Variants in WDR45B observed in about 807,000 individuals in gnomAD.
WDR45B encodes WD repeat domain 45B.
WDR45B carries 20 observed loss-of-function variants against 44.6 expected under a neutral mutation model. That is an observed-to-expected ratio of 0.45 (90% CI 0.32 to 0.65). The LOEUF is 0.65. WDR45B is among the 30% of genes least tolerant of loss of function. The probability of loss-of-function intolerance (pLI) is 0.05; values close to 1 mark genes in which losing one functional copy is unlikely to be tolerated. For missense variants in WDR45B, 323 were observed against 430.2 expected (o/e 0.75, Z 2.20); for synonymous variants, 169 against 164.9 (o/e 1.02, Z -0.19).
chr17:82,648,290 G>A lies in WDR45B; in HGVS notation c.51C>T (p.Gly17=), dbSNP rs748101452. 57 of 1,606,744 alleles carry A rather than the reference G, an allele frequency of 3.5e-5. No individual in the cohort carries two copies. The highest frequency in any genetic ancestry group is 2.0e-4 in the Middle Eastern group (1 of 4,950). The change falls in exon 1 of 10, where the codon GGC becomes GGT. Residue 17 remains glycine (G), a synonymous_variant. Transcript: ENST00000392325. ...CCTCCTCACCGTGGTCCTGGTTGAA[G>A]CCGGCGTAGAGCAGCCCGTTGCCGT... is the stretch of plus-strand genomic sequence containing the variant. ...NPHGNGLLYA[G]FNQDHGCFAC... is the part of the protein sequence containing the mutation.
intron 2 of WDR45B, among the ~76,000 whole-genome samples, chr17:82,637,539 C>T (rs888934933): frequency 6.6e-6 from 1 of 151,932 alleles, no homozygotes; most frequent in Non-Finnish European, 1.5e-5. Context: ...TCCCCAAGAC[C>T]GACTGCACCA....
intron 1 of WDR45B, among the ~76,000 whole-genome samples, chr17:82,647,567 G>A (rs945776780): frequency 2.0e-5 from 3 of 152,084 alleles, no homozygotes; most frequent in Non-Finnish European, 2.9e-5. Flanking sequence ...CCTGGATTCC[G>A]ACATGGGAAA....
chr17:82,644,850 A>C (rs1226791390), intron 1 of WDR45B, among the ~76,000 whole-genome samples: 2 of 152,200 alleles, frequency 1.3e-5, no homozygotes, highest in Non-Finnish European at 2.9e-5. Context: ...TGAAAGCCCA[A>C]CACAAAGGCC....
At chr17:82,621,959 G>A (rs1333664634) in intron 5 of WDR45B, among the ~76,000 whole-genome samples, 160 bp from the exon 6 acceptor site, 1 of 152,014 alleles carries the variant, frequency 6.6e-6, no homozygotes, top group Non-Finnish European at 1.5e-5. Context: ...TAAATAAAGA[G>A]TATGAGAGGG....
At chr17:82,624,123 C>T (rs1310902745) in intron 5 of WDR45B, among the ~76,000 whole-genome samples, 1 of 152,158 alleles carries the variant, frequency 6.6e-6, no homozygotes, top group East Asian at 1.9e-4. Context: ...CACGACACTC[C>T]TCCTTCCTAA....
At chr17:82,621,490 G>C in intron 6 of WDR45B, 119 bp downstream of exon 6, 1 of 1,348,532 alleles carries the variant, frequency 7.4e-7, no homozygotes, top group Non-Finnish European at 1.0e-6. Flanking sequence ...ACAGGCCCCT[G>C]AGGGGCTCCA....
Position 82,616,589 on chromosome 17 carries a change from T to C in WDR45B, c.863A>G (p.Lys288Arg). The change falls in exon 9 of 10, where the codon AAG becomes AGG. Residue 288 changes from lysine to arginine, a missense_variant. By Grantham distance (26) the Lys-to-Arg change is conservative. Coordinates refer to ENST00000392325, the MANE Select transcript of WDR45B (RefSeq NM_019613.4). ...KYFSSKWSFS[K>R]FQVPSGSPCI... ...CGGAGAGCCTGAGGGAACCTGAAACTTGGAGAAACTCCACTTGGAACTGAA... is the reference window on the plus strand; with the variant it reads ...CGGAGAGCCTGAGGGAACCTGAAACCTGGAGAAACTCCACTTGGAACTGAA... 1 of 1,614,132 alleles carries C rather than the reference T, an allele frequency of 6.2e-7. No individual in the cohort carries two copies. The highest frequency in any genetic ancestry group is 2.2e-5 in the East Asian group (1 of 44,872).
At chr17:82,621,071 T>G (rs1268720455) in intron 6 of WDR45B, among the ~76,000 whole-genome samples, 3 of 129,504 alleles carry the variant, frequency 2.3e-5, no homozygotes, top group African/African-American at 9.3e-5. Context: ...TTTTTTTTTT[T>G]GAGACGGAGT....
At chr17:82,621,521 C>T in intron 6 of WDR45B, 88 bp downstream of exon 6, 8 of 1,580,656 alleles carry the variant, frequency 5.1e-6, no homozygotes, top group South Asian at 1.1e-5. Context: ...GGCCCACTGC[C>T]TTTTGAGTCT....
intron 6 of WDR45B, 99 bp from the exon 7 acceptor site, chr17:82,619,227 C>G (rs2045580498): frequency 4.3e-6 from 5 of 1,156,128 alleles, no homozygotes; most frequent in South Asian, 1.3e-5. Flanking sequence ...TCCACACAAG[C>G]CTTTCTCAAA....
intron 5 of WDR45B, 122 bp downstream of exon 5, chr17:82,625,267 G>A: frequency 1.1e-6 from 1 of 919,262 alleles, no homozygotes; most frequent in South Asian, 1.4e-5. Context: ...AGGCCCCTCT[G>A]TGCTCAGGAT....
Position 82,648,326 on chromosome 17 carries a change from CG to C in WDR45B, c.14del (p.Pro5ArgfsTer37). The C allele has an allele frequency of 6.2e-7, 1 of 1,606,676 alleles. No homozygotes were observed. Among genetic ancestry groups the C allele is most frequent in the Middle Eastern group, 2.0e-4 (1 of 4,892 alleles). Reference sequence around the variant, plus strand: ...GCAGCCCGTTGCCGTGAGGGTTACACGGCAGGAGGTTCATGGCGCCGCCGTG... The same window carrying C: ...GCAGCCCGTTGCCGTGAGGGTTACACGCAGGAGGTTCATGGCGCCGCCGTG... Reference protein sequence around the residue: MNLLPCNPHGNGLLY... With the variant: MNLLXCNPHGNGLLY... On this transcript the variant is annotated frameshift_variant, in exon 1 of 10. Coordinates refer to ENST00000392325, the MANE Select transcript of WDR45B (RefSeq NM_019613.4). LOFTEE classifies it high-confidence loss of function.
Position 82,621,871 on chromosome 17 carries a change from C to A in WDR45B, c.428-72G>T, listed in dbSNP as rs777671702. The A allele has an allele frequency of 6.6e-4, 1,001 of 1,518,454 alleles. 3 individuals are homozygous for A. Among genetic ancestry groups the A allele is most frequent in the Middle Eastern group, 1.0e-3 (6 of 5,876 alleles). 94.1% of individuals were successfully genotyped at this position (1,518,454 alleles called of 1,614,324 possible). ...CACAGCCAAAGTCCACTTTCTGCCC[C>A]CAAAGTTCTCCGAAAAAATAGATGT... On this transcript the variant is annotated intron_variant, in intron 5 of 9. Transcript: ENST00000392325.
In WDR45B at chr17:82,644,143, T is replaced by C. The variant is rs937656887; in HGVS notation, c.68-120A>G. On this transcript the variant is annotated intron_variant, in intron 1 of 9. Coordinates refer to ENST00000392325, the MANE Select transcript of WDR45B (RefSeq NM_019613.4). ...AGATGCTCAAACCACACAGACACGA[T>C]AGGTGCTAAGTCACAACTCCTGTCC... 1.5e-5 allele frequency: 13 copies of C among 886,132 alleles called. No individual in the cohort carries two copies. The African/African-American group carries it at 1.8e-4, about 12-fold the overall frequency. The allele number at this position is 886,132 out of a possible 1,614,324, so 54.9% of individuals were successfully genotyped here.
At chr17:82,639,413 GC>G (rs1465909591) in intron 2 of WDR45B, among the ~76,000 whole-genome samples, 1 of 151,992 alleles carries the variant, frequency 6.6e-6, no homozygotes, top group Non-Finnish European at 1.5e-5. Flanking sequence ...AACACAGCTT[GC>G]CAAATTACTC....
intron 5 of WDR45B, among the ~76,000 whole-genome samples, chr17:82,623,127 C>T (rs1248307737): frequency 6.6e-6 from 1 of 152,218 alleles, no homozygotes; most frequent in Non-Finnish European, 1.5e-5. Flanking sequence ...CACAGTGGCT[C>T]ACGCCTGTAA....
At chr17:82,638,672 CCT>C (rs2045870855) in intron 2 of WDR45B, among the ~76,000 whole-genome samples, 1 of 151,936 alleles carries the variant, frequency 6.6e-6, no homozygotes, top group South Asian at 2.1e-4. Flanking sequence ...TTTATTTTTG[CCT>C]CTGTCATGTC....
chr17:82,627,664 T>G lies in WDR45B; in HGVS notation c.245-373A>C, dbSNP rs191966380. Among the ~76,000 whole-genome samples, 548 of 152,324 alleles carry G rather than the reference T, an allele frequency of 3.6e-3. 4 individuals are homozygous for G. The highest frequency in any genetic ancestry group is 0.013 in the African/African-American group (524 of 41,566). On this transcript the variant is annotated intron_variant, in intron 3 of 9. Coordinates refer to ENST00000392325, the MANE Select transcript of WDR45B (RefSeq NM_019613.4). ...GCATTCATCTCTCTCTGCCAACCATTGCTCCCTCCCCGTCCGTTCCTCTCT... is the reference window on the plus strand; with the variant it reads ...GCATTCATCTCTCTCTGCCAACCATGGCTCCCTCCCCGTCCGTTCCTCTCT...
chr17:82,648,197 G>A (rs1040514779), intron 1 of WDR45B, 77 bp downstream of exon 1: 6 of 1,517,772 alleles, frequency 4.0e-6, no homozygotes, highest in African/African-American at 2.9e-5. Context: ...GGGGCGCCCA[G>A]GAGAGGCCTG....
Sources: allele counts gnomAD v4.1 joint callset (sites outside exome capture counted in the v4.1 genomes callset), GRCh38; gene constraint gnomAD v4.1.1; transcripts MANE v1.5; gene names NCBI Gene and HGNC (gene_info 2026-07-23, HGNC 2026-07-21).